The following PRKN variants were observed in gnomAD, a reference collection of about 807,000 sequenced individuals.
The protein encoded by PRKN is parkin RBR E3 ubiquitin protein ligase, also known as E3 ubiquitin-protein ligase parkin.
A neutral mutation model predicts 59.5 loss-of-function variants in PRKN; 56 were observed. The observed-to-expected ratio is 0.94, with a 90% CI of 0.76 to 1.18. PRKN has a LOEUF of 1.18. Among genes scored for constraint, PRKN ranks in the 50% most tolerant of loss-of-function variants. The pLI is 0.00. For synonymous variants in PRKN, 250 were observed against 222.1 expected (o/e 1.13, Z -1.12); for missense variants, 657 against 596.4 (o/e 1.10, Z -1.06).
chr6:161,935,383 T>A (rs543463413), intron 6 of PRKN, among the ~76,000 whole-genome samples: 2 of 151,942 alleles, frequency 1.3e-5, no homozygotes, highest in South Asian at 4.2e-4. Context: ...TGAAACTCCA[T>A]CTCTACTAAA....
chr6:161,689,551 G>A lies in PRKN; in HGVS notation c.871+96221C>T, dbSNP rs184614046. ...ATCGCTGGGTCATTGGGAACAGTGG[G>A]CGCATCTTGCTTCCCATGCCAGCAT... On this transcript the variant is annotated intron_variant, in intron 7 of 11. Coordinates refer to ENST00000366898, the MANE Select transcript of PRKN (RefSeq NM_004562.3). Among the ~76,000 whole-genome samples, 437 of 152,170 alleles carry A rather than the reference G, an allele frequency of 2.9e-3. 1 individual carries two copies. The highest frequency in any genetic ancestry group is 9.8e-3 in the African/African-American group (408 of 41,522).
intron 1 of PRKN, among the ~76,000 whole-genome samples, chr6:162,574,648 T>C (rs9456798): frequency 0.53 from 80,466 of 151,792 alleles, 21,611 homozygotes; most frequent in East Asian, 0.71. Flanking sequence ...AGGAAATGCA[T>C]ATGTACATTT....
intron 2 of PRKN, among the ~76,000 whole-genome samples, chr6:162,326,233 A>G (rs140671287): frequency 1.4e-4 from 22 of 152,312 alleles, no homozygotes; most frequent in African/African-American, 3.6e-4. Context: ...AAATACACGA[A>G]TCATAAAGTA....
intron 1 of PRKN, among the ~76,000 whole-genome samples, chr6:162,534,577 T>C (rs2128197819): frequency 6.6e-6 from 1 of 152,324 alleles, no homozygotes; most frequent in East Asian, 1.9e-4. Context: ...ACTGACTGAA[T>C]ATATTTTAAA....
At chr6:162,600,321 C>T (rs531951262) in intron 1 of PRKN, among the ~76,000 whole-genome samples, 81 of 152,266 alleles carry the variant, frequency 5.3e-4, no homozygotes, top group African/African-American at 1.9e-3. Context: ...TTTTTAATTA[C>T]AGACTAATAA....
chr6:162,263,423 C>G (rs182127710), intron 2 of PRKN, among the ~76,000 whole-genome samples: 1 of 152,270 alleles, frequency 6.6e-6, no homozygotes, highest in Admixed American at 6.5e-5. Flanking sequence ...CACCAACACA[C>G]ACATCATTAC....
rs1349695864 is a variant in PRKN at position 162,034,186 on chromosome 6, T to TATATATAG, written c.618+19904_618+19905insCTATATAT. Among the ~76,000 whole-genome samples the TATATATAG allele has an allele frequency of 1.0e-3, 139 of 133,292 alleles. 1 individual carries two copies. Among genetic ancestry groups the TATATATAG allele is most frequent in the East Asian group, 1.8e-3 (8 of 4,388 alleles). The allele number at this position is 133,292 out of a possible 152,430, so 87.4% of individuals were successfully genotyped here. A position where few individuals can be genotyped will look rare whatever the true frequency, so the allele number is the denominator to read the frequency against. On this transcript the variant is annotated intron_variant, in intron 5 of 11. Transcript: ENST00000366898. ...ACACATACATATATATATATATATA[T>TATATATAG]AGAGAGAGAGAGAGAGAGAGAGAGA... is the stretch of plus-strand genomic sequence containing the variant.
chr6:162,427,714 C>T (rs988939171), intron 2 of PRKN, among the ~76,000 whole-genome samples: 2 of 150,230 alleles, frequency 1.3e-5, no homozygotes, highest in Non-Finnish European at 2.9e-5. Flanking sequence ...GGCGCAATCT[C>T]GGCTCACTGC....
intron 4 of PRKN, among the ~76,000 whole-genome samples, chr6:162,166,047 C>CAAAAAAAAAAAAAAAAAAAA (rs10557222): frequency 8.7e-5 from 7 of 80,238 alleles, no homozygotes; most frequent in African/African-American, 3.6e-4. Flanking sequence ...GACTCTATCT[C>CAAAAAAAAAAAAAAAAAAAA]AAAAAAAAAA....
At chr6:161,679,929 T>A (rs911183628) in intron 7 of PRKN, among the ~76,000 whole-genome samples, 3 of 151,746 alleles carry the variant, frequency 2.0e-5, no homozygotes, top group Non-Finnish European at 4.4e-5. Flanking sequence ...ACCTTTTTTT[T>A]ATTTTTAGTA....
In PRKN at chr6:162,569,230, G is replaced by A. The variant is rs1353888652; in HGVS notation, c.8-125757C>T. 37 of 573,986 alleles carry A rather than the reference G, an allele frequency of 6.4e-5. 1 individual carries two copies. Among genetic ancestry groups the A allele is most frequent in the South Asian group, 6.0e-4 (37 of 61,554 alleles). 35.6% of individuals were successfully genotyped at this position (573,986 alleles called of 1,614,324 possible). A position where few individuals can be genotyped will look rare whatever the true frequency, so the allele number is the denominator to read the frequency against. ...TGAACTGGAACATCAGCCAGCCCCA[G>A]GCTGAGACTGAGGGCCTCAAAAGCC... On this transcript the variant is annotated intron_variant, in intron 1 of 11. Transcript: ENST00000366898.
intron 7 of PRKN, among the ~76,000 whole-genome samples, chr6:161,721,196 T>A (rs191528174): frequency 6.6e-6 from 1 of 152,380 alleles, no homozygotes; most frequent in East Asian, 1.9e-4. Context: ...TTGATCCAAC[T>A]GTGTATGTAT....
chr6:161,837,571 C>T (rs6940374), intron 6 of PRKN, among the ~76,000 whole-genome samples: 8,106 of 147,080 alleles, frequency 0.055, 674 homozygotes, highest in African/African-American at 0.18. Context: ...GGTTTTTTTT[C>T]CTTTAAAAAA....
At position 161,380,426 on chromosome 6, in the gene PRKN, C is replaced by CTTTTTTTTT. The variant is rs977152868; in HGVS notation, c.1167+6359_1167+6367dup. Among the ~76,000 whole-genome samples, 32 of 117,956 alleles carry CTTTTTTTTT rather than the reference C, an allele frequency of 2.7e-4. 1 individual carries two copies. Among genetic ancestry groups the CTTTTTTTTT allele is most frequent in the Non-Finnish European group, 4.0e-4 (23 of 57,332 alleles). 77.4% of individuals were successfully genotyped at this position (117,956 alleles called of 152,430 possible). On this transcript the variant is annotated intron_variant, in intron 10 of 11. Transcript: ENST00000366898. ...GGCCAAGTCCAAAGTCCAAGTCTAT[C>CTTTTTTTTT]TTTTTTTTTTTTTTTTTTTTTTGGA...
At chr6:162,657,598 T>C (rs1778693315) in intron 1 of PRKN, among the ~76,000 whole-genome samples, 1 of 152,084 alleles carries the variant, frequency 6.6e-6, no homozygotes, top group Non-Finnish European at 1.5e-5. Flanking sequence ...CATCCAAAAG[T>C]TGTTTTTGCC....
In PRKN at chr6:162,727,699, G is replaced by T. The variant is rs1458142013; in HGVS notation, c.-31C>A. 3.2e-6 allele frequency: 5 copies of T among 1,565,752 alleles called. No homozygotes were observed. Among genetic ancestry groups the T allele is most frequent in the Non-Finnish European group, 4.3e-6 (5 of 1,156,298 alleles). Reference sequence around the variant, plus strand: ...CTGGGTAGGTGGCGGCTGCGGGCCAGGAACAGGCCCATGCGCGCAGCGGCG... The same window carrying T: ...CTGGGTAGGTGGCGGCTGCGGGCCATGAACAGGCCCATGCGCGCAGCGGCG... On this transcript the variant is annotated 5_prime_UTR_variant, in exon 1 of 12. The change creates a new upstream start codon in the 5' untranslated region. Coordinates refer to ENST00000366898, the MANE Select transcript of PRKN (RefSeq NM_004562.3).
rs150100969 is a variant in PRKN at position 161,472,769 on chromosome 6, C to T, written c.1083+76085G>A. 4.5e-3 allele frequency among the ~76,000 whole-genome samples: 686 copies of T among 152,176 alleles called. 3 individuals carry two copies. Among genetic ancestry groups the T allele is most frequent in the African/African-American group, 0.015 (639 of 41,518 alleles). On this transcript the variant is annotated intron_variant, in intron 9 of 11. Coordinates refer to ENST00000366898, the MANE Select transcript of PRKN (RefSeq NM_004562.3). Reference sequence around the variant, plus strand: ...CATGTATTTGATAAGTGGTTAATATCCAAAATGTAAAATAAATGCCTACAA... The same window carrying T: ...CATGTATTTGATAAGTGGTTAATATTCAAAATGTAAAATAAATGCCTACAA...
intron 4 of PRKN, among the ~76,000 whole-genome samples, chr6:162,193,372 C>T (rs895809747): frequency 1.3e-5 from 2 of 152,190 alleles, no homozygotes; most frequent in Non-Finnish European, 2.9e-5. Flanking sequence ...GGGTTTCTCC[C>T]TCTTCGCCAA....
rs180722702 is a variant in PRKN, at chr6:161,504,366, C to T, written c.1083+44488G>A. Among the ~76,000 whole-genome samples the T allele has an allele frequency of 7.7e-4, 117 of 152,252 alleles. 2 individuals carry two copies. In the East Asian group the frequency reaches 0.02, roughly 26 times the overall value. ...TAGCCTTTTCCCAACCCTGAGCGTC[C>T]GAGCAGGGTTTCAGGCAGGGCGGGT... On this transcript the variant is annotated intron_variant, in intron 9 of 11. Transcript: ENST00000366898.
Sources: allele counts gnomAD v4.1 joint callset (sites outside exome capture counted in the v4.1 genomes callset), GRCh38; gene constraint gnomAD v4.1.1; transcripts MANE v1.5; gene names NCBI Gene and HGNC (gene_info 2026-07-23, HGNC 2026-07-21).